The following CA10 variants were observed in gnomAD, a reference collection of about 807,000 sequenced individuals.
CA10 encodes the protein carbonic anhydrase 10 (inactive), also known as carbonic anhydrase-related protein 10.
Under a neutral mutation model 44.2 loss-of-function variants are expected in CA10, and 14 were observed. That is an observed-to-expected ratio of 0.32 (90% CI 0.21 to 0.50). CA10 has a LOEUF of 0.50. Among genes scored for constraint, CA10 ranks in the 20% least tolerant of loss-of-function variants. The probability of loss-of-function intolerance (pLI) is 0.99; values close to 1 mark genes in which losing one functional copy is unlikely to be tolerated. For synonymous variants in CA10, 159 were observed against 141.6 expected (o/e 1.12, Z -0.87); for missense variants, 350 against 409.7 (o/e 0.85, Z 1.26).
chr17:52,032,996 G>A (rs1489281747), intron 2 of CA10, among the ~76,000 whole-genome samples: 1 of 152,176 alleles, frequency 6.6e-6, no homozygotes, highest in East Asian at 1.9e-4. Flanking sequence ...GTCAAGGCAT[G>A]AGTCAAGAGA....
intron 4 of CA10, among the ~76,000 whole-genome samples, chr17:51,706,791 C>T (rs1289666404): frequency 2.6e-5 from 4 of 152,168 alleles, no homozygotes; most frequent in African/African-American, 9.7e-5. Context: ...GGTCTTGCCA[C>T]ACACCAGGCA....
intron 1 of CA10, among the ~76,000 whole-genome samples, chr17:52,152,586 A>G (rs2143415752): frequency 6.6e-6 from 1 of 152,238 alleles, no homozygotes; most frequent in South Asian, 2.1e-4. Context: ...CATTATTCCT[A>G]TTCCTTTATA....
At chr17:52,030,181 G>T (rs1793036813) in intron 2 of CA10, among the ~76,000 whole-genome samples, 1 of 152,196 alleles carries the variant, frequency 6.6e-6, no homozygotes, top group Non-Finnish European at 1.5e-5. Flanking sequence ...TAATTTTGAT[G>T]TCATTATCCT....
At chr17:51,836,788 G>A (rs1908492948) in intron 3 of CA10, among the ~76,000 whole-genome samples, 1 of 152,134 alleles carries the variant, frequency 6.6e-6, no homozygotes, top group African/African-American at 2.4e-5. Flanking sequence ...AAGGAGGGAG[G>A]CAATTGATGG....
In CA10 at chr17:51,630,431, A is replaced by C. The variant is rs1018068308; in HGVS notation, c.*1153T>G. ...TTTGTACTTTGTGAGATCTGGCTGCACCTGGAGAGAAAACATACCCCTTTC... is the reference window on the plus strand; with the variant it reads ...TTTGTACTTTGTGAGATCTGGCTGCCCCTGGAGAGAAAACATACCCCTTTC... On this transcript the variant is annotated 3_prime_UTR_variant, in exon 9 of 9. Coordinates refer to ENST00000451037, the MANE Select transcript of CA10 (RefSeq NM_020178.5). The C allele has an allele frequency of 2.6e-5, 4 of 152,662 alleles. No individual in the cohort carries two copies. The highest frequency in any genetic ancestry group is 9.6e-5 in the African/African-American group (4 of 41,454). 9.5% of individuals were successfully genotyped at this position (152,662 alleles called of 1,614,324 possible).
chr17:51,827,390 T>C (rs1908060119), intron 3 of CA10, among the ~76,000 whole-genome samples: 2 of 151,706 alleles, frequency 1.3e-5, no homozygotes, highest in South Asian at 2.1e-4. Flanking sequence ...AATTAAACTG[T>C]AAGAAGCCTA....
intron 3 of CA10, among the ~76,000 whole-genome samples, chr17:51,760,388 G>A (rs1905186645): frequency 6.6e-6 from 1 of 152,208 alleles, no homozygotes; most frequent in Non-Finnish European, 1.5e-5. Flanking sequence ...AGGACACACT[G>A]AAGACAGCCA....
At chr17:52,011,133 T>C (rs905760156) in intron 2 of CA10, among the ~76,000 whole-genome samples, 1 of 151,996 alleles carries the variant, frequency 6.6e-6, no homozygotes, top group Non-Finnish European at 1.5e-5. Flanking sequence ...TGAAGAATGT[T>C]TGTTAAGAAT....
chr17:51,843,112 T>G (rs1263316015), intron 3 of CA10, among the ~76,000 whole-genome samples: 2 of 152,194 alleles, frequency 1.3e-5, no homozygotes, highest in Non-Finnish European at 2.9e-5. Flanking sequence ...GAAAAACAGC[T>G]GCAGAAGAAA....
intron 1 of CA10, among the ~76,000 whole-genome samples, chr17:52,119,387 C>G (rs1988964914): frequency 6.6e-6 from 1 of 152,208 alleles, no homozygotes; most frequent in Non-Finnish European, 1.5e-5. Context: ...TCAAGCTTGA[C>G]TTGCAGAGCT....
intron 3 of CA10, among the ~76,000 whole-genome samples, chr17:51,820,319 G>A (rs1254136139): frequency 6.7e-6 from 1 of 149,470 alleles, no homozygotes; most frequent in Non-Finnish European, 1.5e-5. Context: ...CACACAGTGG[G>A]TATTCAGTCA....
At chr17:51,903,798 A>C (rs1981423363) in intron 3 of CA10, among the ~76,000 whole-genome samples, 1 of 152,172 alleles carries the variant, frequency 6.6e-6, no homozygotes, top group African/African-American at 2.4e-5. Context: ...ATATTCTGGC[A>C]GGCAGAGAAT....
intron 3 of CA10, among the ~76,000 whole-genome samples, chr17:51,887,259 C>A (rs1280938924): frequency 6.6e-6 from 1 of 151,940 alleles, no homozygotes; most frequent in Non-Finnish European, 1.5e-5. Context: ...ATACCCCCTC[C>A]AATAGAACTG....
Position 51,717,850 on chromosome 17 carries a change from T to C in CA10, c.465+29783A>G, listed in dbSNP as rs76600726. Reference sequence around the variant, plus strand: ...GTGTGTATATATATATATATATATATATATATATATATATATATACAGGAT... The same window carrying C: ...GTGTGTATATATATATATATATATACATATATATATATATATATACAGGAT... On this transcript the variant is annotated intron_variant, in intron 4 of 8. Transcript: ENST00000451037. Among the ~76,000 whole-genome samples, 2 of 36,212 alleles carry C rather than the reference T, an allele frequency of 5.5e-5. 1 individual carries two copies. Among genetic ancestry groups the C allele is most frequent in the Non-Finnish European group, 1.3e-4 (2 of 15,982 alleles). The allele number at this position is 36,212 out of a possible 152,430, so 23.8% of individuals were successfully genotyped here.
At chr17:52,105,597 G>A (rs758161921) in intron 1 of CA10, among the ~76,000 whole-genome samples, 62 of 152,242 alleles carry the variant, frequency 4.1e-4, no homozygotes, top group Middle Eastern at 3.4e-3. Flanking sequence ...GTTCTTACCC[G>A]CTTCTTCACC....
chr17:51,893,387 T>A (rs1282609418), intron 3 of CA10, among the ~76,000 whole-genome samples: 1 of 152,144 alleles, frequency 6.6e-6, no homozygotes, highest in East Asian at 1.9e-4. Flanking sequence ...TACTGGGGTA[T>A]TTTGAGTGAT....
chr17:51,961,831 C>G (rs1359791567), intron 2 of CA10, among the ~76,000 whole-genome samples: 1 of 152,212 alleles, frequency 6.6e-6, no homozygotes, highest in Non-Finnish European at 1.5e-5. Context: ...CAGCGATGCC[C>G]TCTCTGCTCC....
intron 4 of CA10, among the ~76,000 whole-genome samples, chr17:51,673,864 C>G (rs1177523178): frequency 6.6e-6 from 1 of 152,240 alleles, no homozygotes; most frequent in Non-Finnish European, 1.5e-5. Context: ...CCATTCACCT[C>G]CCTGCCCAGC....
intron 1 of CA10, among the ~76,000 whole-genome samples, chr17:52,104,539 G>A (rs142891963): frequency 1.4e-4 from 21 of 152,216 alleles, no homozygotes; most frequent in African/African-American, 4.3e-4. Flanking sequence ...TCTCAAACGA[G>A]GGCACAAACA....
Sources: gnomAD v4.1 joint callset for allele counts (sites outside exome capture counted in the v4.1 genomes callset) on GRCh38, gnomAD v4.1.1 for gene constraint, MANE v1.5 for transcripts, NCBI Gene and HGNC (gene_info 2026-07-23, HGNC 2026-07-21) for gene names.